The following DIAPH3 variants were observed in gnomAD, a reference collection of about 807,000 sequenced individuals.
DIAPH3 encodes diaphanous related formin 3, also known as protein diaphanous homolog 3.
Under a neutral mutation model 144.3 loss-of-function variants are expected in DIAPH3, and 117 were observed. The ratio of observed to expected loss-of-function variants is 0.81; its 90% CI spans 0.70 to 0.95. The LOEUF (loss-of-function observed/expected upper bound fraction) is 0.95, where lower values mean the gene tolerates loss of function less well. Ranked by LOEUF, DIAPH3 falls within the 40% of genes least tolerant of loss-of-function variation. The pLI, the probability that DIAPH3 is intolerant of heterozygous loss-of-function variation, is 0.00. For missense variants in DIAPH3, 1,421 were observed against 1,412.7 expected (o/e 1.01, Z -0.09); for synonymous variants, 519 against 488.9 (o/e 1.06, Z -0.81).
At chr13:59,978,376 A>G (rs1241969405) in intron 14 of DIAPH3, among the ~76,000 whole-genome samples, 1 of 151,702 alleles carries the variant, frequency 6.6e-6, no homozygotes, top group African/African-American at 2.4e-5. Context: ...GCAAGAAAAA[A>G]AATTACGTTC....
intron 3 of DIAPH3, among the ~76,000 whole-genome samples, chr13:60,101,291 AT>A (rs1419813642): frequency 6.6e-6 from 1 of 152,052 alleles, no homozygotes; most frequent in Non-Finnish European, 1.5e-5. Context: ...TTTCCATATT[AT>A]TTATCTATGT....
At chr13:59,853,871 T>C (rs777823145) in intron 22 of DIAPH3, among the ~76,000 whole-genome samples, 1 of 152,182 alleles carries the variant, frequency 6.6e-6, no homozygotes, top group African/African-American at 2.4e-5. Context: ...TTCCATGCAC[T>C]GTTTCATAAT....
At chr13:59,799,443 T>C (rs1482926023) in intron 25 of DIAPH3, among the ~76,000 whole-genome samples, 1 of 150,558 alleles carries the variant, frequency 6.6e-6, no homozygotes, top group East Asian at 2.0e-4. Flanking sequence ...GACTACATTG[T>C]TAACCATCAG....
intron 9 of DIAPH3, among the ~76,000 whole-genome samples, chr13:60,006,458 C>G (rs981074973): frequency 2.0e-5 from 3 of 152,024 alleles, no homozygotes; most frequent in Non-Finnish European, 4.4e-5. Context: ...AAAAAAAAAT[C>G]AGATAAAGTA....
chr13:59,753,310 C>G (rs1419206840), intron 27 of DIAPH3, among the ~76,000 whole-genome samples: 1 of 152,170 alleles, frequency 6.6e-6, no homozygotes, highest in Non-Finnish European at 1.5e-5. Context: ...TTATGTAATT[C>G]TAATTTATGA....
In DIAPH3 at chr13:59,971,142, C is replaced by T; in HGVS notation, c.1669G>A (p.Asp557Asn). Residue 557 changes from aspartate to asparagine, a missense_variant, in exon 16 of 28, where the codon GAT becomes AAT. Physicochemically the swap from Asp to Asn is conservative, Grantham distance 23. Transcript: ENST00000400324. ...FKSQFGALPA[D>N]CNIPLPPSKE... ...GAGGGAGGCAAAGGAATATTACAATCAGCTGGCAAGGCACCAAACTGGAGA... is the reference window on the plus strand; with the variant it reads ...GAGGGAGGCAAAGGAATATTACAATTAGCTGGCAAGGCACCAAACTGGAGA... 6.3e-7 allele frequency: 1 copy of T among 1,586,742 alleles called. No individual in the cohort carries two copies. Among genetic ancestry groups the T allele is most frequent in the Non-Finnish European group, 8.6e-7 (1 of 1,165,460 alleles).
chr13:59,879,546 G>A (rs1415351631), intron 20 of DIAPH3, 78 bp from the exon 21 acceptor site: 11 of 1,588,164 alleles, frequency 6.9e-6, no homozygotes, highest in East Asian at 2.2e-5. Flanking sequence ...AGTAATCTGG[G>A]ATGATTTATT....
chr13:59,783,239 A>T (rs2038842382), intron 25 of DIAPH3, among the ~76,000 whole-genome samples: 2 of 152,082 alleles, frequency 1.3e-5, no homozygotes, highest in Non-Finnish European at 2.9e-5. Context: ...GACATAGAGA[A>T]ATCTTGGTAT....
chr13:59,863,144 A>C (rs1374783822), intron 21 of DIAPH3, among the ~76,000 whole-genome samples: 1 of 152,078 alleles, frequency 6.6e-6, no homozygotes, highest in African/African-American at 2.4e-5. Flanking sequence ...ACAATGATAA[A>C]AGTTAGCTTG....
At chr13:59,956,180 G>C (rs2049389458) in intron 17 of DIAPH3, among the ~76,000 whole-genome samples, 1 of 152,202 alleles carries the variant, frequency 6.6e-6, no homozygotes, top group African/African-American at 2.4e-5. Context: ...GCAGAAATTT[G>C]CATAAGTAAT....
At chr13:60,042,661 C>A (rs760215341) in intron 5 of DIAPH3, 29 bp downstream of exon 5, 2 of 1,612,692 alleles carry the variant, frequency 1.2e-6, no homozygotes, top group Non-Finnish European at 1.7e-6. Context: ...ATGACATCTG[C>A]CCTGTTGGTG....
intron 22 of DIAPH3, among the ~76,000 whole-genome samples, chr13:59,843,416 G>A (rs1263394301): frequency 2.0e-5 from 3 of 152,132 alleles, no homozygotes; most frequent in Non-Finnish European, 4.4e-5. Context: ...GTGGGAGAGG[G>A]ACTTAGTCCA....
intron 22 of DIAPH3, among the ~76,000 whole-genome samples, chr13:59,843,393 G>A (rs1450011811): frequency 6.6e-6 from 1 of 152,158 alleles, no homozygotes; most frequent in African/African-American, 2.4e-5. Flanking sequence ...ATGAGTGAGT[G>A]CTTCTCAGCT....
intron 17 of DIAPH3, among the ~76,000 whole-genome samples, chr13:59,928,989 T>A (rs1200333385): frequency 6.6e-6 from 1 of 151,776 alleles, no homozygotes; most frequent in African/African-American, 2.4e-5. Context: ...GAAAGAAGAG[T>A]GTAGCAATGT....
At chr13:59,795,974 A>G (rs1461015906) in intron 25 of DIAPH3, among the ~76,000 whole-genome samples, 2 of 152,228 alleles carry the variant, frequency 1.3e-5, no homozygotes, top group African/African-American at 4.8e-5. Flanking sequence ...TTGAAATTAG[A>G]TTAGTTAATT....
rs138940035 is a variant in DIAPH3 at position 60,081,732 on chromosome 13, G to T, written c.495+11896C>A. On this transcript the variant is annotated intron_variant, in intron 4 of 27. Transcript: ENST00000400324. The stretch of plus-strand genomic sequence containing the variant: ...CGTGTATGGGAAGAACCAAAGGAAG[G>T]CAACAGAGTAGCTAATGAACATGAA... 2.0e-5 allele frequency among the ~76,000 whole-genome samples: 3 copies of T among 152,092 alleles called. No homozygotes were observed. In the South Asian group the frequency reaches 6.2e-4, roughly 32 times the overall value.
At chr13:59,802,304 A>T (rs1240497969) in intron 25 of DIAPH3, among the ~76,000 whole-genome samples, 2 of 152,148 alleles carry the variant, frequency 1.3e-5, no homozygotes, top group African/African-American at 2.4e-5. Flanking sequence ...GTTCAACTGC[A>T]TGACTTTCCA....
At chr13:59,694,132 C>A (rs966658595) in intron 27 of DIAPH3, among the ~76,000 whole-genome samples, 2 of 151,924 alleles carry the variant, frequency 1.3e-5, no homozygotes, top group African/African-American at 4.8e-5. Flanking sequence ...ATATTAAGAA[C>A]CAATAGTTAG....
chr13:59,957,071 C>G (rs2049451032), intron 17 of DIAPH3, among the ~76,000 whole-genome samples: 1 of 152,072 alleles, frequency 6.6e-6, no homozygotes, highest in Non-Finnish European at 1.5e-5. Flanking sequence ...GTGGAAGGAA[C>G]TTGCCTTGTC....
Sources: allele counts gnomAD v4.1 joint callset (sites outside exome capture counted in the v4.1 genomes callset), GRCh38; gene constraint gnomAD v4.1.1; transcripts MANE v1.5; gene names NCBI Gene and HGNC (gene_info 2026-07-23, HGNC 2026-07-21).